VPS13A: variants seen among roughly 807,000 people sequenced by gnomAD.
The protein encoded by VPS13A is intermembrane lipid transfer protein VPS13A.
Under a neutral mutation model 390.9 loss-of-function variants are expected in VPS13A, and 264 were observed. The observed-to-expected ratio is 0.68, with a 90% CI of 0.61 to 0.75. VPS13A has a LOEUF of 0.75. Ranked by LOEUF, VPS13A falls within the 30% of genes least tolerant of loss-of-function variation. VPS13A has a pLI of 0.00. For synonymous variants in VPS13A, 1,231 were observed against 1,227.1 expected (o/e 1.00, Z -0.07); for missense variants, 3,409 against 3,733.9 (o/e 0.91, Z 2.27).
At chr9:77,331,388 T>C (rs1226394552) in intron 45 of VPS13A, among the ~76,000 whole-genome samples, 1 of 152,138 alleles carries the variant, frequency 6.6e-6, no homozygotes, top group Non-Finnish European at 1.5e-5. Context: ...ATCACCATAC[T>C]TCTGATTTTT....
rs1238515294 is a variant in VPS13A, at chr9:77,416,323, C to G, written c.*317C>G. 1 of 304,252 alleles carries G rather than the reference C, an allele frequency of 3.3e-6. No individual in the cohort carries two copies. The allele number at this position is 304,252 out of a possible 1,614,324, so 18.8% of individuals were successfully genotyped here. A position where few individuals can be genotyped will look rare whatever the true frequency, so the allele number is the denominator to read the frequency against. On this transcript the variant is annotated 3_prime_UTR_variant, in exon 72 of 72. Transcript: ENST00000360280. ...TCTTAAGTATTTGCTCCATCTTTTT[C>G]TCTGTAATGGTGGAGAGGCTGCCCA...
intron 35 of VPS13A, among the ~76,000 whole-genome samples, chr9:77,308,976 G>A (rs938983944): frequency 6.6e-6 from 1 of 152,128 alleles, no homozygotes; most frequent in Non-Finnish European, 1.5e-5. Context: ...GGTCAGATAT[G>A]AAGAAAATTG....
At chr9:77,407,162 G>T (rs1219522547) in intron 70 of VPS13A, among the ~76,000 whole-genome samples, 2 of 152,082 alleles carry the variant, frequency 1.3e-5, no homozygotes, top group African/African-American at 4.8e-5. Context: ...TTTTAACCTG[G>T]ACTCACTCAT....
At chr9:77,187,608 T>TACAC (rs34649735) in intron 1 of VPS13A, among the ~76,000 whole-genome samples, 2,859 of 148,100 alleles carry the variant, frequency 0.019, 52 homozygotes, top group Admixed American at 0.06. Flanking sequence ...CATACAAACA[T>TACAC]ACACACACAC....
intron 17 of VPS13A, among the ~76,000 whole-genome samples, chr9:77,233,608 G>A (rs1028283338): frequency 2.0e-5 from 3 of 151,224 alleles, no homozygotes; most frequent in Non-Finnish European, 2.9e-5. Flanking sequence ...TGTTTGATTC[G>A]CATCCATTTC....
At chr9:77,402,899 CA>C (rs1233288178) in intron 68 of VPS13A, among the ~76,000 whole-genome samples, 1 of 152,142 alleles carries the variant, frequency 6.6e-6, no homozygotes, top group Non-Finnish European at 1.5e-5. Context: ...TGTTTTTGTA[CA>C]AATATTATTA....
At position 77,206,030 on chromosome 9, in the gene VPS13A, A is replaced by G. The variant is rs1160375504; in HGVS notation, c.336A>G (p.Gln112=). Residue 112 remains glutamine (Q), a synonymous_variant, in exon 5 of 72, where the codon CAA becomes CAG. Coordinates refer to ENST00000360280, the MANE Select transcript of VPS13A (RefSeq NM_033305.3). The part of the protein sequence containing the change: ...KEEKQLMEAK[Q]QELKRIEEAK... ...AGAAACAACTCATGGAAGCAAAGCA[A>G]CAGGAACTGAAAAGAATAGAAGAAG... The G allele has an allele frequency of 1.3e-6, 2 of 1,585,210 alleles. No homozygotes were observed. The highest frequency in any genetic ancestry group is 2.3e-5 in the South Asian group (2 of 86,654).
At chr9:77,284,648 C>T (rs1252189910) in intron 31 of VPS13A, among the ~76,000 whole-genome samples, 1 of 152,062 alleles carries the variant, frequency 6.6e-6, no homozygotes, top group Non-Finnish European at 1.5e-5. Flanking sequence ...AAAAGTTATA[C>T]AGAACTGAGA....
chr9:77,318,104 AAATT>A (rs1829514299), intron 40 of VPS13A, 127 bp from the exon 41 acceptor site: 3 of 536,930 alleles, frequency 5.6e-6, no homozygotes, highest in South Asian at 4.4e-5. Flanking sequence ...TATAAACAAT[AAATT>A]GTATCTTCTA....
chr9:77,236,322 A>G (rs895458700), intron 17 of VPS13A, among the ~76,000 whole-genome samples: 3 of 152,080 alleles, frequency 2.0e-5, no homozygotes, highest in African/African-American at 7.2e-5. Flanking sequence ...TTAGTCTTTG[A>G]GTGTAAGCTT....
intron 23 of VPS13A, among the ~76,000 whole-genome samples, chr9:77,262,345 G>A (rs1373204499): frequency 6.6e-6 from 1 of 151,980 alleles, no homozygotes; most frequent in Non-Finnish European, 1.5e-5. Context: ...CCATTTTCGG[G>A]GGTAACAGGG....
chr9:77,343,364 A>G (rs12004088), intron 50 of VPS13A, among the ~76,000 whole-genome samples: 1 of 152,210 alleles, frequency 6.6e-6, no homozygotes, highest in African/African-American at 2.4e-5. Context: ...CTTAGCTCTA[A>G]CAACCAGGTT....
At position 77,337,463 on chromosome 9, in the gene VPS13A, C is replaced by T. The variant is rs770849305; in HGVS notation, c.6304C>T (p.Pro2102Ser). Residue 2102 changes from proline to serine, a missense_variant, in exon 47 of 72, where the codon CCA (proline) becomes TCA (serine). This residue lies in a region of VPS13A where 2,717 missense variants were observed against 2,917.4 expected (regional missense o/e 0.93). Transcript: ENST00000360280. ...SVYSEDGWDL[P>S]YIMHLWPPIL... ...GTATTCAGAAGATGGTTGGGATTTA[C>T]CATACATAATGCATTTGTGGCCACC... 7 of 1,613,514 alleles carry T rather than the reference C, an allele frequency of 4.3e-6. No homozygotes were observed. Among genetic ancestry groups the T allele is most frequent in the Non-Finnish European group, 5.9e-6 (7 of 1,179,764 alleles).
intron 33 of VPS13A, among the ~76,000 whole-genome samples, chr9:77,302,367 C>CTT (rs750574896): frequency 0.058 from 7,756 of 133,376 alleles, 231 homozygotes; most frequent in Non-Finnish European, 0.067. Context: ...ATATTTTTCC[C>CTT]CTTTTTTTTT....
At chr9:77,291,065 G>A (rs1388873878) in intron 31 of VPS13A, among the ~76,000 whole-genome samples, 3 of 152,118 alleles carry the variant, frequency 2.0e-5, no homozygotes, top group Non-Finnish European at 4.4e-5. Context: ...GAACGGTACC[G>A]GTCTGTGACC....
At chr9:77,179,012 T>C (rs57589940) in intron 1 of VPS13A, among the ~76,000 whole-genome samples, 23,191 of 152,152 alleles carry the variant, frequency 0.15, 2,051 homozygotes, top group African/African-American at 0.24. Context: ...AAGCTAGGGA[T>C]ATAGTGATAG....
intron 68 of VPS13A, among the ~76,000 whole-genome samples, chr9:77,399,247 A>G (rs1834272321): frequency 6.7e-6 from 1 of 149,868 alleles, no homozygotes; most frequent in Non-Finnish European, 1.5e-5. Context: ...GACTACTATG[A>G]CCATAAAGCT....
chr9:77,281,306 CAAAG>C (rs75108516), intron 27 of VPS13A, among the ~76,000 whole-genome samples: 28,028 of 151,860 alleles, frequency 0.18, 2,728 homozygotes, highest in Middle Eastern at 0.26. Context: ...TGTCTCACCA[CAAAG>C]AAAGATAGGA....
intron 71 of VPS13A, among the ~76,000 whole-genome samples, chr9:77,409,189 T>A (rs1834782783): frequency 1.3e-5 from 2 of 152,222 alleles, no homozygotes; most frequent in African/African-American, 2.4e-5. Context: ...CAAACAGGTC[T>A]GGAGTGGACC....
Sources: gnomAD v4.1 joint callset for allele counts (sites outside exome capture counted in the v4.1 genomes callset) on GRCh38, gnomAD v4.1.1 for gene constraint, gnomAD v4.1.1 regional missense constraint, MANE v1.5 for transcripts, NCBI Gene and HGNC (gene_info 2026-07-23, HGNC 2026-07-21) for gene names.